Variants in DOCK4 observed in about 807,000 individuals in gnomAD.
The protein encoded by DOCK4 is dedicator of cytokinesis protein 4.
Under a neutral mutation model 268.1 loss-of-function variants are expected in DOCK4, and 97 were observed. The ratio of observed to expected loss-of-function variants is 0.36; its 90% confidence interval spans 0.31 to 0.43. The LOEUF (loss-of-function observed/expected upper bound fraction) is 0.43, where lower values mean the gene tolerates loss of function less well. Ranked by LOEUF, DOCK4 falls within the 20% of genes least tolerant of loss-of-function variation. DOCK4 has a pLI of 1.00. For missense variants in DOCK4, 2,145 were observed against 2,455.7 expected, an observed-to-expected ratio of 0.87 and a Z score of 2.67; for synonymous variants, 954 against 887.2, an observed-to-expected ratio of 1.08 and a Z score of -1.34.
intron 5 of DOCK4, among the ~76,000 whole-genome samples, chr7:111,989,994 T>G (rs1163476356): frequency 6.6e-6 from 1 of 152,226 alleles, no homozygotes; most frequent in East Asian, 1.9e-4. Context: ...CCAAACAACT[T>G]CAATCTGAAT....
At chr7:111,814,332 C>T (rs1299633855) in intron 27 of DOCK4, among the ~76,000 whole-genome samples, 5 of 152,140 alleles carry the variant, frequency 3.3e-5, no homozygotes, top group Non-Finnish European at 5.9e-5. Context: ...CAACCTGCCC[C>T]GGGCCCTAGA....
chr7:111,785,976 C>T (rs1799136352), intron 32 of DOCK4, among the ~76,000 whole-genome samples: 1 of 152,112 alleles, frequency 6.6e-6, no homozygotes, highest in South Asian at 2.1e-4. Context: ...CCCTCAATCT[C>T]CCTCTCTCGG....
chr7:111,781,629 A>T (rs1798788521), intron 35 of DOCK4, among the ~76,000 whole-genome samples: 1 of 152,146 alleles, frequency 6.6e-6, no homozygotes, highest in Non-Finnish European at 1.5e-5. Flanking sequence ...GAGATGTAAC[A>T]ATTAGATTAA....
chr7:112,159,025 T>C (rs1042533477), intron 1 of DOCK4, among the ~76,000 whole-genome samples: 1 of 152,220 alleles, frequency 6.6e-6, no homozygotes, highest in African/African-American at 2.4e-5. Flanking sequence ...TGTTGGTTGC[T>C]ATGAAGGATG....
intron 1 of DOCK4, among the ~76,000 whole-genome samples, chr7:112,149,066 T>C (rs149543697): frequency 7.4e-4 from 113 of 152,278 alleles, no homozygotes; most frequent in Middle Eastern, 3.4e-3. Flanking sequence ...AAAAATACCA[T>C]TTTAAGAAGT....
At chr7:112,134,197 C>T (rs552260169) in intron 1 of DOCK4, among the ~76,000 whole-genome samples, 1 of 152,216 alleles carries the variant, frequency 6.6e-6, no homozygotes, top group Admixed American at 6.5e-5. Flanking sequence ...GATTAACAAA[C>T]AGGGTGGAGC....
intron 1 of DOCK4, among the ~76,000 whole-genome samples, chr7:112,079,747 C>T (rs1057150594): frequency 1.3e-5 from 2 of 152,134 alleles, no homozygotes; most frequent in Admixed American, 6.5e-5. Flanking sequence ...CAGAAAAGCA[C>T]CTCCCTCACA....
chr7:112,077,784 T>C (rs1228767620), intron 1 of DOCK4, among the ~76,000 whole-genome samples: 2 of 152,178 alleles, frequency 1.3e-5, no homozygotes, highest in Admixed American at 1.3e-4. Flanking sequence ...ATTTTCTGAA[T>C]AATGCTCTCA....
intron 16 of DOCK4, among the ~76,000 whole-genome samples, chr7:111,893,546 G>A (rs1253541175): frequency 6.6e-6 from 1 of 152,138 alleles, no homozygotes; most frequent in Non-Finnish European, 1.5e-5. Flanking sequence ...TTATGTTTTC[G>A]AAAATTGAAG....
intron 42 of DOCK4, among the ~76,000 whole-genome samples, chr7:111,753,057 C>G (rs1029926603): frequency 2.0e-5 from 3 of 146,494 alleles, no homozygotes; most frequent in Non-Finnish European, 4.5e-5. Flanking sequence ...TCATCTGAAA[C>G]CTTTGGTGCC....
chr7:111,931,290 T>C (rs1173557276), intron 12 of DOCK4, among the ~76,000 whole-genome samples: 1 of 152,240 alleles, frequency 6.6e-6, no homozygotes, highest in Non-Finnish European at 1.5e-5. Flanking sequence ...ATGGTTTCTT[T>C]CATTCTTTGC....
chr7:111,733,745 T>C (rs773661577), intron 51 of DOCK4, among the ~76,000 whole-genome samples: 3 of 152,202 alleles, frequency 2.0e-5, no homozygotes, highest in Non-Finnish European at 4.4e-5. Context: ...CCTGAATATA[T>C]GTACATCGTG....
At chr7:111,929,657 C>A (rs1409062664) in intron 12 of DOCK4, among the ~76,000 whole-genome samples, 1 of 152,110 alleles carries the variant, frequency 6.6e-6, no homozygotes, top group African/African-American at 2.4e-5. Flanking sequence ...TTCACCTCAG[C>A]CAAATAAAAA....
At chr7:112,008,614 G>A (rs1032477016) in intron 1 of DOCK4, among the ~76,000 whole-genome samples, 2 of 152,140 alleles carry the variant, frequency 1.3e-5, no homozygotes, top group African/African-American at 4.8e-5. Flanking sequence ...AAGAACCAAT[G>A]GACATTTTAA....
chr7:111,885,138 T>C (rs772896936), intron 16 of DOCK4, among the ~76,000 whole-genome samples: 1 of 152,208 alleles, frequency 6.6e-6, no homozygotes, highest in Non-Finnish European at 1.5e-5. Context: ...TGTGCTTTAA[T>C]TGGAAATATT....
intron 1 of DOCK4, among the ~76,000 whole-genome samples, chr7:112,137,338 G>A (rs1284626630): frequency 6.6e-6 from 1 of 152,162 alleles, no homozygotes; most frequent in African/African-American, 2.4e-5. Flanking sequence ...CTCACAGCGA[G>A]CTCCTGCTAT....
At chr7:111,834,773 G>T in intron 25 of DOCK4, 87 bp from the exon 26 acceptor site, 1 of 850,886 alleles carries the variant, frequency 1.2e-6, no homozygotes. Flanking sequence ...TGTCCTCAAA[G>T]AGAATAGGTT....
intron 1 of DOCK4, among the ~76,000 whole-genome samples, chr7:112,139,291 T>C (rs1362404915): frequency 6.6e-6 from 1 of 152,012 alleles, no homozygotes; most frequent in Non-Finnish European, 1.5e-5. Flanking sequence ...TCACAAAAAA[T>C]ACCCCCAAAA....
chr7:111,923,870 A>T (rs575452483), intron 12 of DOCK4, among the ~76,000 whole-genome samples: 1 of 152,276 alleles, frequency 6.6e-6, no homozygotes, highest in South Asian at 2.1e-4. Flanking sequence ...TCGTTTTCCA[A>T]CTATGCTCGT....
Sources: allele counts gnomAD v4.1 joint callset (sites outside exome capture counted in the v4.1 genomes callset), GRCh38; gene constraint gnomAD v4.1.1; transcripts MANE v1.5; gene names NCBI Gene and HGNC (gene_info 2026-07-23, HGNC 2026-07-21).